The following UNC93A variants were observed in gnomAD, a reference collection of about 807,000 sequenced individuals.
The protein encoded by UNC93A is N-acetylglucosamine transporter UNC93A.
Under a neutral mutation model 47.5 loss-of-function variants are expected in UNC93A, and 43 were observed. The observed-to-expected ratio is 0.91, with a 90% CI of 0.71 to 1.17. UNC93A has a LOEUF of 1.17. Among genes scored for constraint, UNC93A ranks in the 50% most tolerant of loss-of-function variants. The probability of loss-of-function intolerance (pLI) is 0.00; values close to 1 mark genes in which losing one functional copy is unlikely to be tolerated. For missense variants in UNC93A, 605 were observed against 577.6 expected (o/e 1.05, Z -0.49); for synonymous variants, 280 against 258.0 (o/e 1.09, Z -0.82).
chr6:167,308,942 C>T (rs1778481094), intron 7 of UNC93A, among the ~76,000 whole-genome samples: 1 of 152,022 alleles, frequency 6.6e-6, no homozygotes, highest in Non-Finnish European at 1.5e-5. Context: ...ATAGGGTGGC[C>T]TGGCCAGGAG....
intron 7 of UNC93A, 45 bp downstream of exon 7, chr6:167,307,955 G>A (rs767674585): frequency 2.9e-5 from 47 of 1,606,918 alleles, no homozygotes; most frequent in Middle Eastern, 3.3e-4. Flanking sequence ...AGCAGGGGGC[G>A]GTCCCTGGCC....
At position 167,298,066 on chromosome 6, in the gene UNC93A, C is replaced by T. The variant is rs559182851; in HGVS notation, c.621C>T (p.Tyr207=). ...TGGTCTACACCCTCCTGGGCATCTA[C>T]ACTGGTACGAGCTCCATCGGCCCAG... ...QQLVYTLLGI[Y]TGSGVLAVLM... Residue 207 remains tyrosine (Y), a synonymous_variant, in exon 4 of 8, where the codon TAC becomes TAT. Coordinates refer to ENST00000230256, the MANE Select transcript of UNC93A (RefSeq NM_018974.4). 12 of 1,613,824 alleles carry T rather than the reference C, an allele frequency of 7.4e-6. No homozygotes were observed. In the Admixed American group the frequency reaches 1.7e-4, roughly 22 times the overall value.
chr6:167,307,815 T>C lies in UNC93A; in HGVS notation c.1013T>C (p.Leu338Pro). 6.2e-7 allele frequency: 1 copy of C among 1,614,092 alleles called. No individual in the cohort carries two copies. Among genetic ancestry groups the C allele is most frequent in the Non-Finnish European group, 8.5e-7 (1 of 1,179,962 alleles). The change falls in exon 7 of 8, where the codon CTG becomes CCG. Residue 338 changes from leucine to proline, a missense_variant. Physicochemically the swap from Leu to Pro is moderately conservative, Grantham distance 98. Coordinates refer to ENST00000230256, the MANE Select transcript of UNC93A (RefSeq NM_018974.4). ...VTHVSCMIAL[L>P]LWRPRADHLA... ...CACGTGTCCTGCATGATTGCCCTAC[T>C]GCTGTGGAGACCTCGTGCTGACCAT...
At chr6:167,280,072 T>A (rs2346166) in intron 1 of UNC93A, among the ~76,000 whole-genome samples, 23 of 152,206 alleles carry the variant, frequency 1.5e-4, no homozygotes, top group African/African-American at 5.3e-4. Context: ...ACTTCCTCTT[T>A]AGTTCCTATC....
chr6:167,293,968 C>A (rs554753885), intron 1 of UNC93A, among the ~76,000 whole-genome samples: 1 of 152,166 alleles, frequency 6.6e-6, no homozygotes, highest in Non-Finnish European at 1.5e-5. Flanking sequence ...CCTGCAGTTT[C>A]CAGGATACGA....
chr6:167,281,305 G>A (rs1783629828), intron 1 of UNC93A, among the ~76,000 whole-genome samples: 1 of 152,112 alleles, frequency 6.6e-6, no homozygotes, highest in South Asian at 2.1e-4. Context: ...GGAGACTCAG[G>A]CCAATCATTA....
exon 1 of UNC93A, chr6:167,271,364 G>A (rs1272553559): frequency 6.6e-6 from 1 of 152,544 alleles, no homozygotes; most frequent in African/African-American, 2.4e-5. Flanking sequence ...TCATCAGGAG[G>A]ACTGAAGGAA....
chr6:167,288,785 A>C (rs912919576), upstream of UNC93A, among the ~76,000 whole-genome samples: 1 of 152,226 alleles, frequency 6.6e-6, no homozygotes, highest in African/African-American at 2.4e-5. Flanking sequence ...ATTCTACAGC[A>C]TGAAGAACGC....
At chr6:167,295,913 C>T (rs183950206) in intron 2 of UNC93A, 119 bp from the exon 3 acceptor site, 58 of 862,680 alleles carry the variant, frequency 6.7e-5, no homozygotes, top group African/African-American at 3.4e-4. Flanking sequence ...CTCATCACCA[C>T]GCTTGCAATG....
At chr6:167,274,625 C>T (rs951190855) in intron 1 of UNC93A, among the ~76,000 whole-genome samples, 1 of 152,182 alleles carries the variant, frequency 6.6e-6, no homozygotes, top group East Asian at 1.9e-4. Context: ...AGCTGACTGG[C>T]GGCTGTCTAG....
chr6:167,295,891 C>A, intron 2 of UNC93A, 141 bp from the exon 3 acceptor site: 1 of 702,646 alleles, frequency 1.4e-6, no homozygotes, highest in Non-Finnish European at 2.4e-6. Flanking sequence ...TCCATCCATC[C>A]AACCAGCAAC....
At chr6:167,294,802 C>A in intron 2 of UNC93A, 104 bp downstream of exon 2, 1 of 1,319,626 alleles carries the variant, frequency 7.6e-7, no homozygotes, top group Non-Finnish European at 1.0e-6. Flanking sequence ...CTGTTCACTG[C>A]AGGCATTTTA....
intron 1 of UNC93A, among the ~76,000 whole-genome samples, chr6:167,279,485 C>G (rs1433930090): frequency 1.3e-5 from 2 of 152,192 alleles, no homozygotes; most frequent in African/African-American, 4.8e-5. Flanking sequence ...ATTTTAATAT[C>G]TTGGTGCAAG....
At chr6:167,297,803 A>G (rs2115135094) in intron 3 of UNC93A, 142 bp from the exon 4 acceptor site, 1 of 1,032,048 alleles carries the variant, frequency 9.7e-7, no homozygotes, top group Non-Finnish European at 1.4e-6. Context: ...ATTTTGAGAC[A>G]CTGGGTCTTT....
intron 3 of UNC93A, among the ~76,000 whole-genome samples, chr6:167,297,111 A>G (rs1397692604): frequency 6.6e-6 from 1 of 152,238 alleles, no homozygotes; most frequent in African/African-American, 2.4e-5. Flanking sequence ...GCAACAATGA[A>G]ACAGAAACTG....
At chr6:167,305,421 C>A (rs956253503) in intron 5 of UNC93A, among the ~76,000 whole-genome samples, 3 of 152,216 alleles carry the variant, frequency 2.0e-5, no homozygotes, top group Non-Finnish European at 2.9e-5. Context: ...CCCTGTTCTG[C>A]GTGCCCGCCC....
Position 167,315,532 on chromosome 6 carries a change from C to A in UNC93A, c.*80C>A. On this transcript the variant is annotated 3_prime_UTR_variant, in exon 8 of 8. Transcript: ENST00000230256. The stretch of plus-strand genomic sequence containing the variant: ...TTAGAAGATGCCTCAGGACATAGAG[C>A]GGCTCCTCATCACCATCTCAGCACA... 6.2e-7 allele frequency: 1 copy of A among 1,604,200 alleles called. No individual in the cohort carries two copies. Among genetic ancestry groups the A allele is most frequent in the South Asian group, 1.1e-5 (1 of 89,720 alleles).
At chr6:167,284,017 C>G (rs1377635392) in intron 1 of UNC93A, among the ~76,000 whole-genome samples, 1 of 152,176 alleles carries the variant, frequency 6.6e-6, no homozygotes, top group Non-Finnish European at 1.5e-5. Flanking sequence ...TTGGCAGAGC[C>G]TGTACGTTCT....
upstream of UNC93A, among the ~76,000 whole-genome samples, chr6:167,290,888 T>C (rs1783827657): frequency 6.6e-6 from 1 of 152,218 alleles, no homozygotes. Context: ...CTCATGTAAG[T>C]TGTTTTTTCT....
Sources: allele counts gnomAD v4.1 joint callset (sites outside exome capture counted in the v4.1 genomes callset), GRCh38; gene constraint gnomAD v4.1.1; transcripts MANE v1.5; gene names NCBI Gene and HGNC (gene_info 2026-07-23, HGNC 2026-07-21).